PLXNA4: variants seen among roughly 807,000 people sequenced by gnomAD.
PLXNA4 encodes plexin-A4.
A neutral mutation model predicts 191.8 loss-of-function variants in PLXNA4; 44 were observed. That is an observed-to-expected ratio of 0.23 (90% CI 0.18 to 0.29). The LOEUF (loss-of-function observed/expected upper bound fraction) is 0.29. PLXNA4 is among the 10% of genes least tolerant of loss of function. The pLI is 1.00. For missense variants in PLXNA4, 1,800 were observed against 2,488.8 expected (o/e 0.72, Z 5.89); for synonymous variants, 1,082 against 1,009.5 (o/e 1.07, Z -1.36).
intron 2 of PLXNA4, among the ~76,000 whole-genome samples, chr7:132,609,948 A>T (rs1054719547): frequency 1.3e-5 from 2 of 152,150 alleles, no homozygotes; most frequent in Non-Finnish European, 2.9e-5. Context: ...ACTCTAACAG[A>T]TGGGTGCTAA....
intron 3 of PLXNA4, among the ~76,000 whole-genome samples, chr7:132,479,610 G>A (rs905166691): frequency 6.6e-6 from 1 of 152,164 alleles, no homozygotes; most frequent in Non-Finnish European, 1.5e-5. Flanking sequence ...GAGTGGTTTT[G>A]GGGGGAAGAG....
chr7:132,132,457 G>GCTCTATTCT, intron 31 of PLXNA4, among the ~76,000 whole-genome samples: 1 of 46,840 alleles, frequency 2.1e-5, no homozygotes, highest in Non-Finnish European at 4.1e-5. Flanking sequence ...GTTCTGTTCT[G>GCTCTATTCT]TTCTGTTCTG....
intron 3 of PLXNA4, among the ~76,000 whole-genome samples, chr7:132,449,254 C>T (rs890544463): frequency 6.6e-6 from 1 of 152,226 alleles, no homozygotes; most frequent in Non-Finnish European, 1.5e-5. Flanking sequence ...CTCCTGGCCT[C>T]TTACTCAGAT....
In PLXNA4 at chr7:132,508,163, G is replaced by T. The variant is rs1324405328; in HGVS notation, c.531C>A (p.Ser177Arg). ...CAATGAACAGCTTGTCATCCAGGTT[G>T]CTGTAGGAGACGATCACTCCAAAGA... ...GSVFGVIVSY[S>R]NLDDKLFIAT... Residue 177 changes from serine (S) to arginine (R), a missense_variant, in exon 2 of 32, where the codon AGC (serine) becomes AGA (arginine). Ser to Arg is a moderately radical substitution (Grantham distance 110, BLOSUM62 -1). This residue lies in a region of PLXNA4 where 1,397 missense variants were observed against 1,880.4 expected (regional missense o/e 0.74). Transcript: ENST00000321063. The surrounding 1 kb of genome is among the most constrained non-coding windows in gnomAD (Gnocchi z 4.4). The T allele has an allele frequency of 1.2e-6, 2 of 1,614,074 alleles. No homozygotes were observed. The highest frequency in any genetic ancestry group is 1.7e-5 in the Admixed American group (1 of 60,008).
chr7:132,310,577 C>G (rs1801689155), intron 3 of PLXNA4, among the ~76,000 whole-genome samples: 1 of 152,220 alleles, frequency 6.6e-6, no homozygotes, highest in Admixed American at 6.5e-5. Context: ...CTTTCTAGCA[C>G]TAAGGGCACC....
At chr7:132,139,383 T>C (rs1795202210) in intron 30 of PLXNA4, among the ~76,000 whole-genome samples, 1 of 152,220 alleles carries the variant, frequency 6.6e-6, no homozygotes, top group Non-Finnish European at 1.5e-5. Context: ...ATAAAGTTCA[T>C]TTTGTCACCA....
chr7:132,422,402 G>A (rs1220352444), intron 3 of PLXNA4, among the ~76,000 whole-genome samples: 1 of 152,188 alleles, frequency 6.6e-6, no homozygotes, highest in African/African-American at 2.4e-5. Context: ...ACACAGAGAA[G>A]CACGGAAGGA....
At chr7:132,456,697 T>TGGAGG (rs1261165621) in intron 3 of PLXNA4, among the ~76,000 whole-genome samples, 4 of 123,718 alleles carry the variant, frequency 3.2e-5, no homozygotes, top group South Asian at 2.8e-4. Flanking sequence ...AAGAGGGCAG[T>TGGAGG]GGAGGGGAGG....
intron 10 of PLXNA4, among the ~76,000 whole-genome samples, chr7:132,205,212 C>T (rs891266848): frequency 6.6e-6 from 1 of 152,150 alleles, no homozygotes; most frequent in Non-Finnish European, 1.5e-5. Flanking sequence ...CCTAAGTTGT[C>T]CTGAAAACCT....
chr7:132,130,459 C>A lies in PLXNA4; in HGVS notation c.*20G>T. 1.9e-6 allele frequency: 3 copies of A among 1,613,944 alleles called. No homozygotes were observed. The highest frequency in any genetic ancestry group is 2.5e-6 in the Non-Finnish European group (3 of 1,179,884). On this transcript the variant is annotated 3_prime_UTR_variant, in exon 32 of 32. Transcript: ENST00000321063. Reference sequence around the variant, plus strand: ...CGGCTTGGTGTGTCCCCCTCCAGGGCGGCCCTGGAAGGACGGTTCTCAGCT... The same window carrying A: ...CGGCTTGGTGTGTCCCCCTCCAGGGAGGCCCTGGAAGGACGGTTCTCAGCT...
chr7:132,151,850 C>A (rs1413326949), intron 25 of PLXNA4, among the ~76,000 whole-genome samples: 1 of 152,044 alleles, frequency 6.6e-6, no homozygotes, highest in African/African-American at 2.4e-5. Context: ...TGGCGGGCAG[C>A]CCCACATTCC....
chr7:132,563,425 T>C (rs1399979585), intron 1 of PLXNA4, among the ~76,000 whole-genome samples: 14 of 58,414 alleles, frequency 2.4e-4, no homozygotes, highest in East Asian at 1.4e-3. Context: ...TCCTCCTCCT[T>C]CTCCTTCCTC....
At chr7:132,626,344 C>T (rs552357676) in intron 2 of PLXNA4, among the ~76,000 whole-genome samples, 2 of 152,198 alleles carry the variant, frequency 1.3e-5, no homozygotes, top group South Asian at 2.1e-4. Flanking sequence ...AGAGTGCTGT[C>T]GGTGCTCAGC....
In PLXNA4 at chr7:132,484,899, A is replaced by G. The variant is rs1422070864; in HGVS notation, c.1371+4393T>C. 3.1e-6 allele frequency: 5 copies of G among 1,614,256 alleles called. No individual in the cohort carries two copies. The East Asian group carries it at 6.7e-5, about 22-fold the overall frequency. On this transcript the variant is annotated intron_variant, in intron 3 of 31. Coordinates refer to ENST00000321063, the MANE Select transcript of PLXNA4 (RefSeq NM_020911.2). ...TCTGATATTGCTTTGTGACTTGAGC[A>G]CTGAAGATACACACACAGCATCTGT...
At chr7:132,318,433 G>T (rs1311623351) in intron 3 of PLXNA4, among the ~76,000 whole-genome samples, 1 of 152,164 alleles carries the variant, frequency 6.6e-6, no homozygotes, top group East Asian at 1.9e-4. Context: ...AGCTGGGGGA[G>T]GGTCAGCTTC....
intron 31 of PLXNA4, among the ~76,000 whole-genome samples, chr7:132,131,675 C>T (rs1169157492): frequency 6.6e-6 from 1 of 152,260 alleles, no homozygotes; most frequent in Non-Finnish European, 1.5e-5. Flanking sequence ...CCAAGGTAGA[C>T]AGGTGTACTT....
At chr7:132,302,222 G>A (rs570208567) in intron 3 of PLXNA4, among the ~76,000 whole-genome samples, 5 of 152,162 alleles carry the variant, frequency 3.3e-5, no homozygotes, top group Non-Finnish European at 7.3e-5. Flanking sequence ...ATGGTCTGGA[G>A]GAGGGAGCAG....
intron 4 of PLXNA4, among the ~76,000 whole-genome samples, chr7:132,271,998 A>G (rs907643331): frequency 1.3e-5 from 2 of 152,232 alleles, no homozygotes; most frequent in African/African-American, 4.8e-5. Flanking sequence ...AGAAAGTCCC[A>G]TGTATGATTG....
intron 5 of PLXNA4, among the ~76,000 whole-genome samples, chr7:132,228,866 A>T (rs1798426447): frequency 6.6e-6 from 1 of 152,106 alleles, no homozygotes. Context: ...TGAACATGCC[A>T]GTTCTTCTGC....
Sources: allele counts gnomAD v4.1 joint callset (sites outside exome capture counted in the v4.1 genomes callset), GRCh38; gene constraint gnomAD v4.1.1; regional missense constraint gnomAD v4.1.1; non-coding constraint Gnocchi (gnomAD v3.1); transcripts MANE v1.5; gene names NCBI Gene and HGNC (gene_info 2026-07-23, HGNC 2026-07-21).